The following GOLGA1 variants were observed in gnomAD, a reference collection of about 807,000 sequenced individuals.
GOLGA1 encodes the protein golgin A1.
Under a neutral mutation model 119.7 loss-of-function variants are expected in GOLGA1, and 63 were observed. The observed-to-expected ratio is 0.53, with a 90% confidence interval of 0.43 to 0.65. The LOEUF is 0.65. Among genes scored for constraint, GOLGA1 ranks in the 30% least tolerant of loss-of-function variants. GOLGA1 has a pLI of 0.00. For missense variants in GOLGA1, 798 were observed against 912.8 expected (o/e 0.87, Z 1.62); for synonymous variants, 318 against 333.4 (o/e 0.95, Z 0.50).
rs757458900 is a variant in GOLGA1, at chr9:124,881,244, A to G, written c.2150T>C (p.Ile717Thr). The change falls in exon 22 of 23, where the codon ATA (isoleucine) becomes ACA (threonine). Residue 717 changes from isoleucine (I) to threonine (T), a missense_variant. Coordinates refer to ENST00000373555, the MANE Select transcript of GOLGA1 (RefSeq NM_002077.4). This position sits in a 1 kb window ranked among gnomAD's most constrained non-coding sequence, Gnocchi z 4.9. Reference protein sequence around the residue: ...SCRESEAFHLIKAVSVLLNFS... With the variant: ...SCRESEAFHLTKAVSVLLNFS... ...GTTCAGCAACACTGACACAGCTTTT[A>G]TAAGATGAAAAGCCTGAAACACAGT... 11 of 1,599,362 alleles carry G rather than the reference A, an allele frequency of 6.9e-6. No homozygotes were observed. The highest frequency in any genetic ancestry group is 9.4e-6 in the Non-Finnish European group (11 of 1,166,402).
intron 4 of GOLGA1, among the ~76,000 whole-genome samples, chr9:124,930,252 C>T (rs1286228795): frequency 6.6e-6 from 1 of 152,162 alleles, no homozygotes; most frequent in Non-Finnish European, 1.5e-5. Context: ...TTTTATAACT[C>T]TCTCTCCAAC....
At chr9:124,928,949 G>T (rs372288721) in intron 5 of GOLGA1, among the ~76,000 whole-genome samples, 1 of 152,120 alleles carries the variant, frequency 6.6e-6, no homozygotes, top group Admixed American at 6.6e-5. Context: ...AAACCTGAGG[G>T]TAGCCTAAAT....
Position 124,888,234 on chromosome 9 carries a change from A to G in GOLGA1, c.1905+19T>C. ...GGACCTGGTGGAGACAGAAACAGCC[A>G]TGCAAAAGGCATCCTCACCTTATTT... On this transcript the variant is annotated intron_variant, in intron 19 of 22. Transcript: ENST00000373555. The surrounding 1 kb of genome is among the most constrained non-coding windows in gnomAD (Gnocchi z 4.4). 2.5e-6 allele frequency: 4 copies of G among 1,612,496 alleles called. No individual in the cohort carries two copies. The highest frequency in any genetic ancestry group is 3.4e-6 in the Non-Finnish European group (4 of 1,178,544).
At chr9:124,891,340 AG>A (rs1829850134) in intron 15 of GOLGA1, among the ~76,000 whole-genome samples, 1 of 152,254 alleles carries the variant, frequency 6.6e-6, no homozygotes, top group Non-Finnish European at 1.5e-5. Context: ...GGATGGGCTT[AG>A]GGAACAGCTG....
chr9:124,915,306 G>C (rs1830417839), intron 10 of GOLGA1, among the ~76,000 whole-genome samples: 1 of 152,198 alleles, frequency 6.6e-6, no homozygotes, highest in Non-Finnish European at 1.5e-5. Context: ...CCAAAGGGTA[G>C]TTGTGAGGAC....
rs138046277 is a variant in GOLGA1, at chr9:124,889,154, T to A, written c.1750A>T (p.Asn584Tyr). ...GPLQAEALSV[N>Y]ESHVTSRAMQ... ...CAGCTGGGACTTACGTGCGACTCATTGACTGAGAGTGCTTCGGCCTGCAAT... is the reference window on the plus strand; with the variant it reads ...CAGCTGGGACTTACGTGCGACTCATAGACTGAGAGTGCTTCGGCCTGCAAT... Residue 584 changes from asparagine to tyrosine, a missense_variant, in exon 18 of 23, where the codon AAT becomes TAT. By Grantham distance (143) the Asn-to-Tyr change is moderately radical (BLOSUM62 -2). Coordinates refer to ENST00000373555, the MANE Select transcript of GOLGA1 (RefSeq NM_002077.4). 6.6e-5 allele frequency: 107 copies of A among 1,609,950 alleles called. No individual in the cohort carries two copies. Among genetic ancestry groups the A allele is most frequent in the Non-Finnish European group, 8.7e-5 (103 of 1,178,700 alleles).
rs371535338 is a variant in GOLGA1, at chr9:124,917,295, C to A, written c.843+3834G>T. 2.9e-4 allele frequency among the ~76,000 whole-genome samples: 44 copies of A among 152,158 alleles called. No homozygotes were observed. In the East Asian group the frequency reaches 6.4e-3, roughly 22 times the overall value. The stretch of plus-strand genomic sequence containing the variant: ...GAGGGATAGCTCAGAGGGCTCATTG[C>A]CTTATTATACTTTCTATCATACTCA... On this transcript the variant is annotated intron_variant, in intron 10 of 22. Transcript: ENST00000373555.
chr9:124,898,618 G>C lies in GOLGA1; in HGVS notation c.1338C>G (p.Ala446=), dbSNP rs748772055. 6.2e-7 allele frequency: 1 copy of C among 1,610,566 alleles called. No individual in the cohort carries two copies. Among genetic ancestry groups the C allele is most frequent in the South Asian group, 1.1e-5 (1 of 90,880 alleles). ...GMRQLEQENA[A]LKECRNEYER... ...CATATTCATTCCTGCATTCTTTAAG[G>C]GCTGCATTTTCTTGCTCCAGTTGTC... Residue 446 remains alanine, a synonymous_variant, in exon 15 of 23, where the codon GCC becomes GCG. Transcript: ENST00000373555.
At chr9:124,942,769 A>G (rs570316954), upstream of GOLGA1, 24 of 152,332 alleles carry the variant, frequency 1.6e-4, no homozygotes, top group East Asian at 4.4e-3. Flanking sequence ...TGACAACAAA[A>G]ATCAAATATT....
chr9:124,930,363 A>G (rs1436805802), intron 4 of GOLGA1, among the ~76,000 whole-genome samples: 1 of 152,152 alleles, frequency 6.6e-6, no homozygotes, highest in Non-Finnish European at 1.5e-5. Flanking sequence ...TGGAATTAAG[A>G]CTCTAGCATC....
chr9:124,880,246 A>G lies in GOLGA1; in HGVS notation c.*284T>C, dbSNP rs533528579. On this transcript the variant is annotated 3_prime_UTR_variant, in exon 23 of 23. Coordinates refer to ENST00000373555, the MANE Select transcript of GOLGA1 (RefSeq NM_002077.4). ...GTGCTACCGTGAAGTTAGAGGATTC[A>G]GGTGCAGATGGGGTGCTGGCTGGAG... is the stretch of plus-strand genomic sequence containing the variant. 4.1e-4 allele frequency: 114 copies of G among 277,386 alleles called. No individual in the cohort carries two copies. Among genetic ancestry groups the G allele is most frequent in the Admixed American group, 1.5e-3 (33 of 22,178 alleles). The allele number at this position is 277,386 out of a possible 1,614,324, so 17.2% of individuals were successfully genotyped here. A position where few individuals can be genotyped will look rare whatever the true frequency, so the allele number is the denominator to read the frequency against.
intron 12 of GOLGA1, among the ~76,000 whole-genome samples, chr9:124,902,121 ATTATTT>A (rs1259311844): frequency 6.6e-6 from 1 of 151,940 alleles, no homozygotes; most frequent in Admixed American, 6.6e-5. Context: ...TATTATTATT[ATTATTT>A]TTGAGATGGA....
intron 8 of GOLGA1, 34 bp downstream of exon 8, chr9:124,923,061 T>A: frequency 6.7e-7 from 1 of 1,489,394 alleles, no homozygotes; most frequent in Non-Finnish European, 9.3e-7. Flanking sequence ...TAATCATCTA[T>A]TCAGTATTTA....
intron 12 of GOLGA1, among the ~76,000 whole-genome samples, chr9:124,904,950 A>AT (rs1199689110): frequency 1.4e-5 from 2 of 147,608 alleles, no homozygotes; most frequent in African/African-American, 4.9e-5. Flanking sequence ...TCTCAAAAAA[A>AT]AAAAATAAAT....
intron 3 of GOLGA1, 144 bp downstream of exon 3, chr9:124,938,433 G>A: frequency 4.4e-6 from 3 of 689,052 alleles, no homozygotes; most frequent in Non-Finnish European, 7.3e-6. Context: ...TAACAAAAAG[G>A]TACCTCAGAG....
intron 15 of GOLGA1, among the ~76,000 whole-genome samples, chr9:124,892,277 A>G (rs1829873951): frequency 6.6e-6 from 1 of 151,950 alleles, no homozygotes; most frequent in Non-Finnish European, 1.5e-5. Context: ...TATTTCATTA[A>G]TTTCTGTGCT....
At chr9:124,886,159 T>TG (rs761746642) in intron 19 of GOLGA1, among the ~76,000 whole-genome samples, 52 of 152,336 alleles carry the variant, frequency 3.4e-4, no homozygotes, top group Admixed American at 1.8e-3. Flanking sequence ...AGAGCTCATG[T>TG]GGAGACAGGT....
chr9:124,910,133 G>T (rs1333710805), intron 11 of GOLGA1, among the ~76,000 whole-genome samples: 1 of 152,106 alleles, frequency 6.6e-6, no homozygotes, highest in African/African-American at 2.4e-5. Context: ...CTTTCACCAT[G>T]TTGGCCAGGA....
At chr9:124,903,207 G>T (rs997080267) in intron 12 of GOLGA1, among the ~76,000 whole-genome samples, 1 of 152,196 alleles carries the variant, frequency 6.6e-6, no homozygotes, top group Non-Finnish European at 1.5e-5. Context: ...CTGGGTGTGG[G>T]TTGGGTGCGG....
Sources: gnomAD v4.1 joint callset for allele counts (sites outside exome capture counted in the v4.1 genomes callset) on GRCh38, gnomAD v4.1.1 for gene constraint, Gnocchi (gnomAD v3.1) non-coding constraint, MANE v1.5 for transcripts, NCBI Gene and HGNC (gene_info 2026-07-23, HGNC 2026-07-21) for gene names.